Variants in ARPC1B observed in about 807,000 individuals in gnomAD.
The protein encoded by ARPC1B is actin-related protein 2/3 complex subunit 1B.
A neutral mutation model predicts 46.0 loss-of-function variants in ARPC1B; 29 were observed. The ratio of observed to expected loss-of-function variants is 0.63; its 90% CI spans 0.47 to 0.86. The LOEUF (loss-of-function observed/expected upper bound fraction) is 0.86, where lower values mean the gene tolerates loss of function less well. ARPC1B is among the 40% of genes least tolerant of loss of function. ARPC1B has a pLI of 0.00. For missense variants in ARPC1B, 469 were observed against 529.4 expected (o/e 0.89, Z 1.12); for synonymous variants, 201 against 213.9 (o/e 0.94, Z 0.53).
intron 1 of ARPC1B, 60 bp from the exon 2 acceptor site, chr7:99,385,642 G>A (rs1794366696): frequency 1.4e-6 from 2 of 1,450,774 alleles, no homozygotes; most frequent in Non-Finnish European, 1.9e-6. Context: ...GCCTGGTATG[G>A]GTGAAGTCAG....
chr7:99,386,394 G>A lies in ARPC1B; in HGVS notation c.65-291G>A, dbSNP rs532519681. ...CCCAGCTGGGGAGGGGCTGGCAGGT[G>A]CAGGGGCCCTGAGGTGTCAGCAGGA... is the stretch of plus-strand genomic sequence containing the variant. On this transcript the variant is annotated intron_variant, in intron 2 of 9. Coordinates refer to ENST00000646101, the MANE Select transcript of ARPC1B (RefSeq NM_005720.4). 30 of 556,356 alleles carry A rather than the reference G, an allele frequency of 5.4e-5. No individual in the cohort carries two copies. In the East Asian group the frequency reaches 1.0e-3, roughly 19 times the overall value. 34.5% of individuals were successfully genotyped at this position (556,356 alleles called of 1,614,324 possible). A position where few individuals can be genotyped will look rare whatever the true frequency, so the allele number is the denominator to read the frequency against.
In ARPC1B at chr7:99,385,952, A is replaced by G. The variant is rs573644633; in HGVS notation, c.64+174A>G. 4.6e-5 allele frequency among the ~76,000 whole-genome samples: 7 copies of G among 152,234 alleles called. No individual in the cohort carries two copies. The East Asian group carries it at 1.4e-3, about 29-fold the overall frequency. On this transcript the variant is annotated intron_variant, in intron 2 of 9. Transcript: ENST00000646101. ...GCTGACCAGGGGCCTCCTGGGTTAA[A>G]GTTTAAGGAGGGAATGGGCCAGTTG...
At chr7:99,389,613 G>A in intron 4 of ARPC1B, 1 of 349,344 alleles carries the variant, frequency 2.9e-6, no homozygotes, top group Non-Finnish European at 5.4e-6. Context: ...ACCATGGCCA[G>A]TTAGTAGTTG....
chr7:99,393,813 T>C (rs1224868499), intron 8 of ARPC1B, among the ~76,000 whole-genome samples: 4 of 152,202 alleles, frequency 2.6e-5, no homozygotes, highest in African/African-American at 4.8e-5. Flanking sequence ...CACGTGTCTT[T>C]CCTGCCTCCC....
At chr7:99,384,178 G>A (rs902409557) in intron 1 of ARPC1B, 2 of 152,654 alleles carry the variant, frequency 1.3e-5, no homozygotes, top group African/African-American at 4.8e-5. Context: ...GCAGGTGGAG[G>A]AGGCTAGGGA....
chr7:99,377,632 CTT>C (rs201173165), intron 1 of ARPC1B, among the ~76,000 whole-genome samples: 2 of 140,640 alleles, frequency 1.4e-5, no homozygotes, highest in Non-Finnish European at 1.6e-5. Flanking sequence ...TCTTCTTCTT[CTT>C]TTTTTTTTTT....
In ARPC1B at chr7:99,392,890, C is replaced by A; in HGVS notation, c.989+14C>A. On this transcript the variant is annotated intron_variant, in intron 8 of 9. Transcript: ENST00000646101. ...GAACAGCGTCAGGTGAGAGCGGGAG[C>A]CGGGCCGGCGGGTGGGCGGGGCCTC... 1 of 1,526,776 alleles carries A rather than the reference C, an allele frequency of 6.5e-7. No individual in the cohort carries two copies. The allele number at this position is 1,526,776 out of a possible 1,614,324, so 94.6% of individuals were successfully genotyped here.
At chr7:99,391,603 C>T (rs1335891810) in intron 7 of ARPC1B, among the ~76,000 whole-genome samples, 1 of 152,076 alleles carries the variant, frequency 6.6e-6, no homozygotes, top group African/African-American at 2.4e-5. Context: ...AAGAAATTAG[C>T]TGGGTGTGGT....
chr7:99,386,791 T>TATGTC lies in ARPC1B; in HGVS notation c.169+4_169+8dup. On this transcript the variant is annotated splice_region_variant and intron_variant, in intron 3 of 9. Transcript: ENST00000646101. ...AGGAGCACAACGGGCAGGTGACAGG[T>TATGTC]ATGTCAGGGTGGCTGGGACCACCGT... 2.5e-6 allele frequency: 4 copies of TATGTC among 1,610,976 alleles called. No individual in the cohort carries two copies. The highest frequency in any genetic ancestry group is 3.4e-6 in the Non-Finnish European group (4 of 1,177,788).
chr7:99,393,375 G>A (rs959083624), intron 8 of ARPC1B, among the ~76,000 whole-genome samples: 5 of 152,162 alleles, frequency 3.3e-5, no homozygotes, highest in African/African-American at 1.2e-4. Flanking sequence ...CGGGACTTAG[G>A]TGGGGACTGT....
Position 99,392,731 on chromosome 7 carries a change from G to C in ARPC1B, c.844G>C (p.Gly282Arg). ...CGCCGCCGCGGGGATGCTGAGCTTC[G>C]GCGGGCGGCTGGACGTTCCTAAGCA... is the stretch of plus-strand genomic sequence containing the variant. The part of the protein sequence containing the change: ...YDAAAGMLSF[G>R]GRLDVPKQSS... Residue 282 changes from glycine (G) to arginine (R), a missense_variant, in exon 8 of 10, where the codon GGC (glycine) becomes CGC (arginine). By Grantham distance (125) the Gly-to-Arg change is moderately radical. Coordinates refer to ENST00000646101, the MANE Select transcript of ARPC1B (RefSeq NM_005720.4). The C allele has an allele frequency of 6.5e-7, 1 of 1,548,302 alleles. No homozygotes were observed. Among genetic ancestry groups the C allele is most frequent in the South Asian group, 1.2e-5 (1 of 84,004 alleles).
At chr7:99,392,567 T>C in intron 7 of ARPC1B, 104 bp from the exon 8 acceptor site, 2 of 1,058,786 alleles carry the variant, frequency 1.9e-6, no homozygotes, top group Non-Finnish European at 2.6e-6. Context: ...GTCTGTATCC[T>C]TGAGCTGGCA....
Position 99,392,716 on chromosome 7 carries a change from G to C in ARPC1B, c.829G>C (p.Gly277Arg), listed in dbSNP as rs1584412211. 1 of 1,547,474 alleles carries C rather than the reference G, an allele frequency of 6.5e-7. No individual in the cohort carries two copies. The highest frequency in any genetic ancestry group is 8.7e-7 in the Non-Finnish European group (1 of 1,144,970). The change falls in exon 8 of 10, where the codon GGG becomes CGG. Residue 277 changes from glycine (G) to arginine (R), a missense_variant. Transcript: ENST00000646101. ...GCTGTTCACCTATGACGCCGCCGCGGGGATGCTGAGCTTCGGCGGGCGGCT... is the reference window on the plus strand; with the variant it reads ...GCTGTTCACCTATGACGCCGCCGCGCGGATGCTGAGCTTCGGCGGGCGGCT... ...PVLFTYDAAA[G>R]MLSFGGRLDV...
intron 7 of ARPC1B, 106 bp downstream of exon 7, chr7:99,391,359 T>C (rs1168618304): frequency 1.7e-6 from 2 of 1,206,670 alleles, no homozygotes; most frequent in Admixed American, 2.1e-5. Flanking sequence ...CTCCTTTTTT[T>C]CTTCCTTGCA....
chr7:99,393,273 C>T (rs532054429), intron 8 of ARPC1B, among the ~76,000 whole-genome samples: 1 of 152,330 alleles, frequency 6.6e-6, no homozygotes, highest in Admixed American at 6.5e-5. Flanking sequence ...GGGAGGGACA[C>T]GGTGCGACCG....
chr7:99,385,528 G>T (rs746662816), intron 1 of ARPC1B, among the ~76,000 whole-genome samples, 174 bp from the exon 2 acceptor site: 38 of 152,288 alleles, frequency 2.5e-4, no homozygotes, highest in Non-Finnish European at 5.0e-4. Context: ...AACATGTCAG[G>T]CCAGTTGGGA....
intron 1 of ARPC1B, among the ~76,000 whole-genome samples, chr7:99,383,313 C>G (rs949833151): frequency 6.6e-6 from 1 of 152,000 alleles, no homozygotes. Context: ...GGCAACAGAG[C>G]GAGACCCTTT....
At chr7:99,376,011 G>T (rs1169266720) in intron 1 of ARPC1B, among the ~76,000 whole-genome samples, 1 of 148,896 alleles carries the variant, frequency 6.7e-6, no homozygotes, top group South Asian at 2.1e-4. Context: ...GCAGTGAGCC[G>T]AGATCACGCC....
Position 99,392,841 on chromosome 7 carries a change from C to T in ARPC1B, c.954C>T (p.Gly318=), listed in dbSNP as rs1395389926. The T allele has an allele frequency of 1.3e-6, 2 of 1,549,836 alleles. No homozygotes were observed. Among genetic ancestry groups the T allele is most frequent in the East Asian group, 2.4e-5 (1 of 40,924 alleles). ...KASSEGGTAA[G]AGLDSLHKNS... is the part of the protein sequence containing the mutation. Reference sequence around the variant, plus strand: ...GCTCCGAGGGTGGCACGGCTGCGGGCGCGGGCCTAGACTCGCTGCACAAGA... The same window carrying T: ...GCTCCGAGGGTGGCACGGCTGCGGGTGCGGGCCTAGACTCGCTGCACAAGA... The change falls in exon 8 of 10, where the codon GGC becomes GGT. Residue 318 remains glycine, a synonymous_variant. Coordinates refer to ENST00000646101, the MANE Select transcript of ARPC1B (RefSeq NM_005720.4).
Sources: gnomAD v4.1 joint callset for allele counts (sites outside exome capture counted in the v4.1 genomes callset) on GRCh38, gnomAD v4.1.1 for gene constraint, MANE v1.5 for transcripts, NCBI Gene and HGNC (gene_info 2026-07-23, HGNC 2026-07-21) for gene names.